Variants in KIFC3 observed in about 807,000 individuals in gnomAD.
KIFC3 encodes kinesin-like protein KIFC3.
Under a neutral mutation model 101.8 loss-of-function variants are expected in KIFC3, and 60 were observed. That is an observed-to-expected ratio of 0.59 (90% confidence interval 0.48 to 0.73). The LOEUF (loss-of-function observed/expected upper bound fraction) is 0.73. Among genes scored for constraint, KIFC3 ranks in the 30% least tolerant of loss-of-function variants. The pLI is 0.00. For missense variants in KIFC3, 966 were observed against 1,137.1 expected (o/e 0.85, Z 2.16); for synonymous variants, 476 against 482.7 (o/e 0.99, Z 0.18).
At chr16:57,781,876 C>G (rs1455206520) in intron 3 of KIFC3, 2 of 959,004 alleles carry the variant, frequency 2.1e-6, no homozygotes, top group South Asian at 9.6e-5. Flanking sequence ...GACCTAGGAC[C>G]GGAACTCGCA....
intron 3 of KIFC3, among the ~76,000 whole-genome samples, chr16:57,792,250 C>A (rs2053939303): frequency 6.6e-6 from 1 of 152,308 alleles, no homozygotes; most frequent in East Asian, 1.9e-4. Context: ...CCCCAGATAG[C>A]CCTGGTGTCA....
chr16:57,769,597 C>T lies in KIFC3; in HGVS notation c.1216G>A (p.Glu406Lys), dbSNP rs781935161. ...TCCCACCCACTGCCCTCGCTCACCT[C>T]GGCCTTGACACTCCTGAGGGCCTCC... is the stretch of plus-strand genomic sequence containing the variant. ...LQEALRSVKA[E>K]IGQAIEEVNS... is the part of the protein sequence containing the mutation. The change falls in exon 9 of 20, where the codon GAG becomes AAG. Residue 406 changes from glutamate to lysine, a missense_variant and splice_region_variant. Glu to Lys is a moderately conservative substitution (Grantham distance 56, BLOSUM62 1). This residue lies in a region of KIFC3 where 689 missense variants were observed against 884.6 expected (regional missense o/e 0.78). Transcript: ENST00000445690. This position sits in a 1 kb window ranked among gnomAD's most constrained non-coding sequence, Gnocchi z 4.3. The T allele has an allele frequency of 3.0e-5, 48 of 1,609,474 alleles. No homozygotes were observed. Among genetic ancestry groups the T allele is most frequent in the African/African-American group, 4.0e-5 (3 of 74,816 alleles).
chr16:57,794,317 C>T (rs1598128181), intron 3 of KIFC3, among the ~76,000 whole-genome samples: 1 of 152,002 alleles, frequency 6.6e-6, no homozygotes, highest in East Asian at 1.9e-4. Context: ...CCTCAACCTC[C>T]TGGGCTCAAG....
Position 57,798,089 on chromosome 16 carries a change from G to T in KIFC3, c.155C>A (p.Pro52Gln), listed in dbSNP as rs782068645. The T allele has an allele frequency of 6.3e-7, 1 of 1,592,500 alleles. No homozygotes were observed. The highest frequency in any genetic ancestry group is 2.3e-5 in the East Asian group (1 of 43,816). The change falls in exon 2 of 20, where the codon CCG (proline) becomes CAG (glutamine). Residue 52 changes from proline to glutamine, a missense_variant. By Grantham distance (76) the Pro-to-Gln change is moderately conservative. Coordinates refer to ENST00000445690, the MANE Select transcript of KIFC3 (RefSeq NM_001130100.2). The part of the protein sequence containing the change: ...PAARPFPHTG[P>Q]GRLRTGRGKD... ...GGACTCACCAGTTCTCAACCTCCCCGGGCCGGTGTGTGGGAAAGGGCGGGC... is the reference window on the plus strand; with the variant it reads ...GGACTCACCAGTTCTCAACCTCCCCTGGCCGGTGTGTGGGAAAGGGCGGGC...
At chr16:57,808,818 A>C (rs963391581) in intron 1 of KIFC3, among the ~76,000 whole-genome samples, 3 of 152,224 alleles carry the variant, frequency 2.0e-5, no homozygotes. Context: ...TCCTCCTGTG[A>C]AAATGAGAGT....
At chr16:57,858,050 TTG>T (rs2056217453) in intron 1 of KIFC3, among the ~76,000 whole-genome samples, 1 of 152,034 alleles carries the variant, frequency 6.6e-6, no homozygotes, top group Admixed American at 6.6e-5. Flanking sequence ...TCTCCTGACC[TTG>T]TGATCCACCT....
chr16:57,760,474 C>A (rs1337492096), intron 16 of KIFC3, 58 bp from the exon 17 acceptor site: 2 of 1,581,408 alleles, frequency 1.3e-6, no homozygotes, highest in Non-Finnish European at 1.7e-6. Flanking sequence ...AACAGGGTCA[C>A]GAGAGGGAGC....
intron 1 of KIFC3, among the ~76,000 whole-genome samples, chr16:57,858,798 A>G (rs548359501): frequency 1.1e-3 from 163 of 152,248 alleles, no homozygotes; most frequent in African/African-American, 3.7e-3. Flanking sequence ...AGTACAAAAA[A>G]GATTAGCTGA....
chr16:57,791,978 A>C (rs367939058), intron 3 of KIFC3, among the ~76,000 whole-genome samples: 1 of 152,178 alleles, frequency 6.6e-6, no homozygotes, highest in African/African-American at 2.4e-5. Flanking sequence ...CAACCCCTGC[A>C]CCCGTGTTCA....
At chr16:57,777,062 C>A (rs937847939) in intron 3 of KIFC3, 1 of 152,050 alleles carries the variant, frequency 6.6e-6, no homozygotes, top group East Asian at 1.9e-4. Flanking sequence ...TAACAATAAA[C>A]AATCCAAAAA....
intron 3 of KIFC3, chr16:57,776,404 G>A (rs373253147): frequency 5.1e-6 from 5 of 984,530 alleles, no homozygotes; most frequent in Non-Finnish European, 6.0e-6. Context: ...GGGTCCTTCC[G>A]CCACTGATGG....
chr16:57,760,202 C>T (rs201537266), intron 17 of KIFC3, 80 bp downstream of exon 17: 78 of 1,512,920 alleles, frequency 5.2e-5, no homozygotes, highest in Non-Finnish European at 6.6e-5. Flanking sequence ...AGGACGTCCC[C>T]GCCCAGCTCC....
At chr16:57,795,291 A>C in intron 2 of KIFC3, 150 bp from the exon 3 acceptor site, 1 of 887,890 alleles carries the variant, frequency 1.1e-6, no homozygotes, top group Non-Finnish European at 1.6e-6. Context: ...CACACCCAAA[A>C]AACGCCTGCC....
chr16:57,787,412 G>A (rs573529280), intron 3 of KIFC3, among the ~76,000 whole-genome samples: 5 of 152,374 alleles, frequency 3.3e-5, no homozygotes, highest in East Asian at 3.9e-4. Context: ...CACTGCTCAC[G>A]CCACGGGATG....
At position 57,781,881 on chromosome 16, in the gene KIFC3, C is replaced by T. The variant is rs1473240677; in HGVS notation, c.316-9593G>A. ...GTAAGTGGTGGACCTAGGACCGGAA[C>T]TCGCATCTGGCTGACCCTTGCAGAA... is the stretch of plus-strand genomic sequence containing the variant. On this transcript the variant is annotated intron_variant, in intron 3 of 19. Transcript: ENST00000445690. 1.7e-5 allele frequency: 16 copies of T among 968,890 alleles called. No individual in the cohort carries two copies. In the East Asian group the frequency reaches 1.6e-3, roughly 97 times the overall value. The allele number at this position is 968,890 out of a possible 1,614,324, so 60.0% of individuals were successfully genotyped here.
intron 1 of KIFC3, among the ~76,000 whole-genome samples, chr16:57,809,534 T>C (rs1470723702): frequency 6.6e-6 from 1 of 152,138 alleles, no homozygotes; most frequent in Non-Finnish European, 1.5e-5. Flanking sequence ...TTCCGTAGGG[T>C]CTGATATTTG....
chr16:57,798,533 A>G (rs571026349), intron 1 of KIFC3: 3 of 561,236 alleles, frequency 5.3e-6, no homozygotes, highest in Non-Finnish European at 9.5e-6. Flanking sequence ...GCTGTGCCTG[A>G]GACCCCACAC....
intron 1 of KIFC3, chr16:57,862,684 C>G (rs1178183549): frequency 2.8e-6 from 2 of 721,230 alleles, no homozygotes; most frequent in Non-Finnish European, 4.1e-6. Context: ...CTCCAACAGG[C>G]CTCCTCCTCC....
intron 1 of KIFC3, among the ~76,000 whole-genome samples, chr16:57,826,767 G>A (rs2055465537): frequency 6.6e-6 from 1 of 152,212 alleles, no homozygotes; most frequent in Non-Finnish European, 1.5e-5. Flanking sequence ...TTGTTCTGCT[G>A]AGACACACAG....
Sources: allele counts gnomAD v4.1 joint callset (sites outside exome capture counted in the v4.1 genomes callset), GRCh38; gene constraint gnomAD v4.1.1; regional missense constraint gnomAD v4.1.1; non-coding constraint Gnocchi (gnomAD v3.1); transcripts MANE v1.5; gene names NCBI Gene and HGNC (gene_info 2026-07-23, HGNC 2026-07-21).